The following RGS5 variants were observed in gnomAD, a reference collection of about 807,000 sequenced individuals.
RGS5 encodes the protein regulator of G-protein signalling 5.
In RGS5, 20 loss-of-function variants were observed where a neutral mutation model predicts 18.9. The observed-to-expected ratio is 1.06, with a 90% CI of 0.74 to 1.54. The LOEUF (loss-of-function observed/expected upper bound fraction) is 1.54. RGS5 is among the 40% of genes most tolerant of loss of function. The pLI, the probability that RGS5 is intolerant of heterozygous loss-of-function variation, is 0.00. For synonymous variants in RGS5, 57 were observed against 76.2 expected, an observed-to-expected ratio of 0.75 and a Z score of 1.31; for missense variants, 201 against 211.8, an observed-to-expected ratio of 0.95 and a Z score of 0.32.
chr1:163,278,448 C>T (rs1648912947), intron 2 of RGS5, among the ~76,000 whole-genome samples: 1 of 152,036 alleles, frequency 6.6e-6, no homozygotes. Flanking sequence ...CATCATTAGA[C>T]TGGCCACTAA....
At position 163,143,669 on chromosome 1, in the gene RGS5, C is replaced by T. The variant is rs1038449084; in HGVS notation, c.*3673G>A. On this transcript the variant is annotated 3_prime_UTR_variant, in exon 5 of 5. Coordinates refer to ENST00000313961, the MANE Select transcript of RGS5 (RefSeq NM_003617.4). ...CCCTTTCTTCCCTTTCTTTTCATGA[C>T]TATTCTCTCCTAAACTTGCTAAACT... The T allele has an allele frequency of 1.3e-5, 2 of 152,098 alleles. No individual in the cohort carries two copies. Among genetic ancestry groups the T allele is most frequent in the Non-Finnish European group, 2.9e-5 (2 of 68,014 alleles). 9.4% of individuals were successfully genotyped at this position (152,098 alleles called of 1,614,324 possible).
At position 163,186,964 on chromosome 1, in the gene RGS5, T is replaced by G. The variant is rs79550400; in HGVS notation, c.44+15828A>C. The stretch of plus-strand genomic sequence containing the variant: ...TGATCAAAATTGTGCTAGGCACTCA[T>G]TCCTAGTCTGTCATAATTGTCAACT... On this transcript the variant is annotated intron_variant, in intron 1 of 4. Transcript: ENST00000313961. Among the ~76,000 whole-genome samples the G allele has an allele frequency of 4.2e-5, 2 of 47,490 alleles. 1 individual carries two copies. The allele number at this position is 47,490 out of a possible 152,430, so 31.2% of individuals were successfully genotyped here. A position where few individuals can be genotyped will look rare whatever the true frequency, so the allele number is the denominator to read the frequency against.
chr1:163,311,323 A>G (rs1649855765), intron 1 of RGS5, among the ~76,000 whole-genome samples: 1 of 152,202 alleles, frequency 6.6e-6, no homozygotes. Context: ...CATATCAGCA[A>G]TATGGCTGTT....
At chr1:163,258,841 T>TA (rs1382251433) in intron 2 of RGS5, among the ~76,000 whole-genome samples, 1 of 151,302 alleles carries the variant, frequency 6.6e-6, no homozygotes, top group Non-Finnish European at 1.5e-5. Context: ...GCTTGGCTAG[T>TA]TTTTTTTTAA....
At chr1:163,304,871 T>A (rs543615451) in intron 2 of RGS5, 2 of 152,350 alleles carry the variant, frequency 1.3e-5, no homozygotes, top group Non-Finnish European at 2.9e-5. Context: ...TTCAATTGTG[T>A]GTAGCATTTC....
intron 1 of RGS5, among the ~76,000 whole-genome samples, chr1:163,317,041 G>A (rs1014624655): frequency 1.3e-5 from 2 of 152,078 alleles, no homozygotes. Context: ...TTGTAAGTAT[G>A]CAAAGAATCC....
intron 2 of RGS5, among the ~76,000 whole-genome samples, chr1:163,295,704 T>C (rs928963406): frequency 6.6e-6 from 1 of 152,194 alleles, no homozygotes; most frequent in Non-Finnish European, 1.5e-5. Flanking sequence ...TGCCAAGTAC[T>C]TGAATCCATC....
chr1:163,194,700 G>A (rs1387856809), intron 1 of RGS5, among the ~76,000 whole-genome samples: 1 of 152,002 alleles, frequency 6.6e-6, no homozygotes, highest in Non-Finnish European at 1.5e-5. Context: ...TATTGACTGA[G>A]AGAGATATAA....
At chr1:163,301,386 G>A (rs191653538) in intron 2 of RGS5, among the ~76,000 whole-genome samples, 90 of 152,022 alleles carry the variant, frequency 5.9e-4, no homozygotes, top group African/African-American at 2.2e-3. Context: ...AGGCTGGAGT[G>A]CAGTGGCACC....
At chr1:163,190,085 G>A (rs1300634810) in intron 1 of RGS5, among the ~76,000 whole-genome samples, 1 of 152,172 alleles carries the variant, frequency 6.6e-6, no homozygotes, top group African/African-American at 2.4e-5. Flanking sequence ...TTGTAACACA[G>A]AAGACATGTA....
At chr1:163,163,044 G>GC (rs1323289703) in intron 2 of RGS5, among the ~76,000 whole-genome samples, 1 of 150,916 alleles carries the variant, frequency 6.6e-6, no homozygotes, top group African/African-American at 2.4e-5. Flanking sequence ...TATTTCGGGG[G>GC]GGGGGGTGGT....
chr1:163,253,454 ACACGC>A (rs74366325), intron 2 of RGS5, among the ~76,000 whole-genome samples: 16,545 of 147,718 alleles, frequency 0.11, 1,197 homozygotes, highest in South Asian at 0.21. Context: ...GATTACAGGT[ACACGC>A]CACCATGCCC....
At chr1:163,254,505 T>TTTC in intron 2 of RGS5, among the ~76,000 whole-genome samples, 5 of 151,906 alleles carry the variant, frequency 3.3e-5, no homozygotes, top group African/African-American at 1.2e-4. Flanking sequence ...GTTGTTTTTT[T>TTTC]CTTGTAAATT....
chr1:163,234,078 T>G (rs934407801), intron 2 of RGS5, among the ~76,000 whole-genome samples: 3 of 152,258 alleles, frequency 2.0e-5, no homozygotes, highest in African/African-American at 7.2e-5. Context: ...CCTTTGTTTC[T>G]GATTCTTGAC....
intron 1 of RGS5, among the ~76,000 whole-genome samples, chr1:163,310,385 G>C (rs1468190239): frequency 6.6e-6 from 1 of 151,912 alleles, no homozygotes; most frequent in African/African-American, 2.4e-5. Flanking sequence ...AGGAGATCAA[G>C]ACCACGGTGA....
At chr1:163,215,878 A>T (rs1323251948) in intron 1 of RGS5, among the ~76,000 whole-genome samples, 2 of 152,076 alleles carry the variant, frequency 1.3e-5, no homozygotes, top group Non-Finnish European at 2.9e-5. Flanking sequence ...CAGCCTGGGA[A>T]ACATAGTGAA....
chr1:163,233,387 T>A (rs1474653982), intron 2 of RGS5, among the ~76,000 whole-genome samples: 1 of 152,258 alleles, frequency 6.6e-6, no homozygotes, highest in African/African-American at 2.4e-5. Context: ...CTGTTCCTCA[T>A]TAAACTTTCC....
chr1:163,206,253 T>C (rs920648018), upstream of RGS5, among the ~76,000 whole-genome samples: 4 of 152,130 alleles, frequency 2.6e-5, no homozygotes, highest in Non-Finnish European at 5.9e-5. Flanking sequence ...ACTTCCCAGC[T>C]TCCAGGGCTG....
At chr1:163,225,934 T>G (rs1647320926) in intron 2 of RGS5, among the ~76,000 whole-genome samples, 1 of 152,120 alleles carries the variant, frequency 6.6e-6, no homozygotes, top group Non-Finnish European at 1.5e-5. Flanking sequence ...TTTTTTTTTT[T>G]TTTGAGACAG....
Sources: gnomAD v4.1 joint callset for allele counts (sites outside exome capture counted in the v4.1 genomes callset) on GRCh38, gnomAD v4.1.1 for gene constraint, MANE v1.5 for transcripts, NCBI Gene and HGNC (gene_info 2026-07-23, HGNC 2026-07-21) for gene names.